The following FAM83B variants were observed in gnomAD, a reference collection of about 807,000 sequenced individuals.
FAM83B encodes the protein protein FAM83B.
A neutral mutation model predicts 38.8 loss-of-function variants in FAM83B; 26 were observed. That is an observed-to-expected ratio of 0.67 (90% CI 0.49 to 0.93). FAM83B has a LOEUF of 0.93. Ranked by LOEUF, FAM83B falls within the 40% of genes least tolerant of loss-of-function variation. The probability of loss-of-function intolerance (pLI) is 0.00; values close to 1 mark genes in which losing one functional copy is unlikely to be tolerated. For missense variants in FAM83B, 1,237 were observed against 1,197.3 expected (o/e 1.03, Z -0.49); for synonymous variants, 419 against 423.1 (o/e 0.99, Z 0.12).
chr6:54,930,427 T>G (rs1472848014), intron 4 of FAM83B, among the ~76,000 whole-genome samples: 2 of 152,062 alleles, frequency 1.3e-5, no homozygotes, highest in Non-Finnish European at 2.9e-5. Flanking sequence ...GGCCTGGTAT[T>G]TTTCATATTT....
At chr6:54,854,039 A>G (rs1304538086) in intron 1 of FAM83B, among the ~76,000 whole-genome samples, 2 of 152,196 alleles carry the variant, frequency 1.3e-5, no homozygotes, top group Non-Finnish European at 2.9e-5. Flanking sequence ...GTAATTGCAG[A>G]TATGGTGGAA....
At chr6:54,927,918 T>A (rs1581927304) in intron 4 of FAM83B, among the ~76,000 whole-genome samples, 1 of 152,274 alleles carries the variant, frequency 6.6e-6, no homozygotes, top group East Asian at 1.9e-4. Flanking sequence ...AGCTCTGTGG[T>A]ACTAAAAGTG....
intron 1 of FAM83B, among the ~76,000 whole-genome samples, chr6:54,859,616 T>C (rs929696503): frequency 2.0e-5 from 3 of 152,226 alleles, no homozygotes; most frequent in Non-Finnish European, 4.4e-5. Context: ...TAGGGATTAC[T>C]GTGGGAGCTC....
At position 54,942,079 on chromosome 6, in the gene FAM83B, G is replaced by A. The variant is rs1773718845; in HGVS notation, c.*72G>A. ...AAATTGTGGACAGTCTTTGTAACAT[G>A]CCAATAGATTTTCCTAAGGACAGAA... On this transcript the variant is annotated 3_prime_UTR_variant, in exon 5 of 5. Coordinates refer to ENST00000306858, the MANE Select transcript of FAM83B (RefSeq NM_001010872.3). The A allele has an allele frequency of 2.1e-6, 3 of 1,429,166 alleles. No individual in the cohort carries two copies. The highest frequency in any genetic ancestry group is 1.4e-5 in the African/African-American group (1 of 69,422). The allele number at this position is 1,429,166 out of a possible 1,614,324, so 88.5% of individuals were successfully genotyped here.
chr6:54,851,922 C>T (rs1771306740), intron 1 of FAM83B, among the ~76,000 whole-genome samples: 1 of 152,074 alleles, frequency 6.6e-6, no homozygotes, highest in Admixed American at 6.6e-5. Context: ...GCTGGGATTA[C>T]AGGCGTGAGC....
intron 1 of FAM83B, among the ~76,000 whole-genome samples, chr6:54,849,393 G>A (rs1396401306): frequency 6.6e-6 from 1 of 152,000 alleles, no homozygotes; most frequent in Non-Finnish European, 1.5e-5. Flanking sequence ...AGAGCTGGGG[G>A]AAATGGTAGG....
chr6:54,906,339 A>G (rs2816810), intron 2 of FAM83B, among the ~76,000 whole-genome samples: 1 of 151,972 alleles, frequency 6.6e-6, no homozygotes, highest in Non-Finnish European at 1.5e-5. Flanking sequence ...ATCAGATTTT[A>G]TTATCTAAAT....
intron 2 of FAM83B, among the ~76,000 whole-genome samples, chr6:54,878,553 A>G (rs550099703): frequency 7.9e-5 from 12 of 152,292 alleles, no homozygotes; most frequent in Admixed American, 2.6e-4. Flanking sequence ...TGTGGGCAGA[A>G]CACAGGAGAC....
At chr6:54,857,273 A>T (rs1771466766) in intron 1 of FAM83B, among the ~76,000 whole-genome samples, 1 of 152,188 alleles carries the variant, frequency 6.6e-6, no homozygotes, top group African/African-American at 2.4e-5. Flanking sequence ...ATGCACCAAG[A>T]GTGACTTTAT....
At chr6:54,859,050 A>C in intron 1 of FAM83B, among the ~76,000 whole-genome samples, 1 of 150,682 alleles carries the variant, frequency 6.6e-6, no homozygotes, top group African/African-American at 2.4e-5. Flanking sequence ...CTCCCCCGAC[A>C]CCGTGCCCAC....
intron 2 of FAM83B, among the ~76,000 whole-genome samples, chr6:54,913,903 T>A (rs239819): frequency 0.92 from 139,369 of 151,520 alleles, 64,213 homozygotes; most frequent in East Asian, 1. Flanking sequence ...CTTTTTTTTT[T>A]AAAAAAAAGC....
intron 2 of FAM83B, among the ~76,000 whole-genome samples, chr6:54,882,308 A>G (rs1468644215): frequency 6.6e-6 from 1 of 152,218 alleles, no homozygotes; most frequent in Admixed American, 6.5e-5. Context: ...CTAATGTTTA[A>G]TGCTATGTGC....
At chr6:54,913,663 AC>A (rs906863771) in intron 2 of FAM83B, among the ~76,000 whole-genome samples, 4 of 152,060 alleles carry the variant, frequency 2.6e-5, no homozygotes, top group South Asian at 2.1e-4. Context: ...AGAAAAAAAA[AC>A]CATGAGAAGA....
chr6:54,926,084 A>T (rs1378617325), intron 2 of FAM83B, among the ~76,000 whole-genome samples: 8 of 152,144 alleles, frequency 5.3e-5, no homozygotes, highest in Non-Finnish European at 1.5e-5. Flanking sequence ...CAGTCTTGAA[A>T]TCCATGATTT....
At chr6:54,880,420 A>G (rs1045052632) in intron 2 of FAM83B, among the ~76,000 whole-genome samples, 9 of 151,100 alleles carry the variant, frequency 6.0e-5, no homozygotes, top group African/African-American at 7.3e-5. Context: ...CTAGTGCGAC[A>G]AATGTATATA....
At chr6:54,885,294 A>C (rs1772248749) in intron 2 of FAM83B, among the ~76,000 whole-genome samples, 1 of 152,044 alleles carries the variant, frequency 6.6e-6, no homozygotes, top group Admixed American at 6.5e-5. Flanking sequence ...GTTATGTTTA[A>C]TTTTGTTCTG....
chr6:54,897,038 G>A (rs9475062), intron 2 of FAM83B, among the ~76,000 whole-genome samples: 4,369 of 152,226 alleles, frequency 0.029, 219 homozygotes, highest in African/African-American at 0.099. Context: ...TTTAGCTAGA[G>A]TTTGTTTCTG....
chr6:54,872,870 C>CT (rs1389999103), intron 2 of FAM83B, among the ~76,000 whole-genome samples: 1 of 152,040 alleles, frequency 6.6e-6, no homozygotes, highest in Non-Finnish European at 1.5e-5. Context: ...ACAATTGCAT[C>CT]TTTTTTCTAC....
intron 2 of FAM83B, among the ~76,000 whole-genome samples, chr6:54,872,442 T>G (rs1252276168): frequency 6.6e-6 from 1 of 152,238 alleles, no homozygotes; most frequent in Non-Finnish European, 1.5e-5. Flanking sequence ...CATGATATGC[T>G]TTTGAAGCAC....
Sources: gnomAD v4.1 joint callset for allele counts (sites outside exome capture counted in the v4.1 genomes callset) on GRCh38, gnomAD v4.1.1 for gene constraint, MANE v1.5 for transcripts, NCBI Gene and HGNC (gene_info 2026-07-23, HGNC 2026-07-21) for gene names.